DENND2A: variants seen among roughly 807,000 people sequenced by gnomAD.
DENND2A encodes the protein DENN domain containing 2A.
In DENND2A, 53 loss-of-function variants were observed where a neutral mutation model predicts 105.3. The ratio of observed to expected loss-of-function variants is 0.50; its 90% confidence interval spans 0.40 to 0.63. The LOEUF (loss-of-function observed/expected upper bound fraction) is 0.63, where lower values mean the gene tolerates loss of function less well. Ranked by LOEUF, DENND2A falls within the 30% of genes least tolerant of loss-of-function variation. DENND2A has a pLI of 0.00. For synonymous variants in DENND2A, 522 were observed against 508.4 expected (o/e 1.03, Z -0.36); for missense variants, 1,138 against 1,279.6 (o/e 0.89, Z 1.69).
intron 14 of DENND2A, among the ~76,000 whole-genome samples, chr7:140,534,849 T>A (rs1404533479): frequency 2.6e-5 from 4 of 152,052 alleles, no homozygotes; most frequent in Non-Finnish European, 5.9e-5. Context: ...TGTACAAAAG[T>A]GGGGCAGGGA....
At chr7:140,544,247 T>G in intron 14 of DENND2A, 1 of 332,880 alleles carries the variant, frequency 3.0e-6, no homozygotes, top group Non-Finnish European at 5.8e-6. Context: ...CAAGCTGGAG[T>G]GCAGTGGTGA....
At chr7:140,548,428 A>C (rs1356108871) in intron 12 of DENND2A, among the ~76,000 whole-genome samples, 1 of 151,710 alleles carries the variant, frequency 6.6e-6, no homozygotes, top group Non-Finnish European at 1.5e-5. Flanking sequence ...AGGCTGAGGC[A>C]GGAGAATTGC....
intron 14 of DENND2A, among the ~76,000 whole-genome samples, chr7:140,540,728 T>C (rs1379427595): frequency 7.0e-6 from 1 of 142,464 alleles, no homozygotes; most frequent in African/African-American, 3.1e-5. Context: ...TTCTTTCTTT[T>C]TTTTTTTTAG....
At chr7:140,583,152 C>T (rs1275649068) in intron 5 of DENND2A, among the ~76,000 whole-genome samples, 2 of 151,682 alleles carry the variant, frequency 1.3e-5, no homozygotes, top group African/African-American at 2.4e-5. Context: ...AAAAATTAGC[C>T]GGCCATGGTG....
intron 9 of DENND2A, among the ~76,000 whole-genome samples, chr7:140,564,298 T>TACAC (rs375771552): frequency 1.4e-5 from 2 of 141,208 alleles, no homozygotes; most frequent in African/African-American, 5.3e-5. Context: ...AAAAAAAAAA[T>TACAC]ACACACACAC....
Position 140,544,633 on chromosome 7 carries a change from A to G in DENND2A, c.2312T>C (p.Ile771Thr), listed in dbSNP as rs759877921. The change falls in exon 14 of 20, where the codon ATT becomes ACT. Residue 771 changes from isoleucine (I) to threonine (T), a missense_variant. Physicochemically the swap from Ile to Thr is moderately conservative, Grantham distance 89 (BLOSUM62 -1). This residue lies in a region of DENND2A where 627 missense variants were observed against 779.8 expected (regional missense o/e 0.80). Transcript: ENST00000496613. ...AGGCGGGTACCTGAGCTTGTCTGCA[A>G]TGAAGATGACCCTCCTCTCCAGAAG... ...SLLLERRVIF[I>T]ADKLSILSKC... 1.3e-5 allele frequency: 21 copies of G among 1,614,172 alleles called. No homozygotes were observed. The Middle Eastern group carries it at 2.5e-3, about 190-fold the overall frequency.
chr7:140,601,094 G>T (rs1799468003), intron 3 of DENND2A, among the ~76,000 whole-genome samples: 1 of 152,124 alleles, frequency 6.6e-6, no homozygotes, highest in South Asian at 2.1e-4. Context: ...GACTGCCAGG[G>T]TTAACATAAG....
At position 140,523,346 on chromosome 7, in the gene DENND2A, C is replaced by T. The variant is rs1251939512; in HGVS notation, c.2626G>A (p.Ala876Thr). Residue 876 changes from alanine (A) to threonine (T), a missense_variant, in exon 17 of 20, where the codon GCT becomes ACT. Physicochemically the swap from Ala to Thr is moderately conservative, Grantham distance 58. Transcript: ENST00000496613. The surrounding 1 kb of genome is among the most constrained non-coding windows in gnomAD (Gnocchi z 4.5). ...AGGGGCCCTTCGTCCTGCTCACAAG[C>T]CAGCTCGTTCCTCTGTTCCAGAATG... ...EHILEQRNEL[A>T]CEQDEGPLDG... 6.2e-7 allele frequency: 1 copy of T among 1,614,056 alleles called. No individual in the cohort carries two copies. Among genetic ancestry groups the T allele is most frequent in the East Asian group, 2.2e-5 (1 of 44,886 alleles).
At chr7:140,624,748 G>A (rs1362488659) in intron 1 of DENND2A, among the ~76,000 whole-genome samples, 1 of 151,688 alleles carries the variant, frequency 6.6e-6, no homozygotes, top group Non-Finnish European at 1.5e-5. Flanking sequence ...CAGAAACCCA[G>A]AGAGATTTGT....
At chr7:140,610,287 A>G (rs1050445671) in intron 1 of DENND2A, among the ~76,000 whole-genome samples, 10 of 145,044 alleles carry the variant, frequency 6.9e-5, no homozygotes, top group Non-Finnish European at 1.0e-4. Flanking sequence ...AACTAGTCTT[A>G]AGGAAAAAAA....
chr7:140,638,645 C>T (rs771856085), intron 1 of DENND2A, among the ~76,000 whole-genome samples: 2 of 152,230 alleles, frequency 1.3e-5, no homozygotes, highest in African/African-American at 2.4e-5. Flanking sequence ...CCGGCATGCA[C>T]TCACATACTG....
At chr7:140,554,405 C>T (rs1392875347) in intron 12 of DENND2A, among the ~76,000 whole-genome samples, 8 of 151,940 alleles carry the variant, frequency 5.3e-5, no homozygotes, top group Admixed American at 4.6e-4. Flanking sequence ...TTTGGGAGGC[C>T]GAGGTGGGTG....
intron 1 of DENND2A, among the ~76,000 whole-genome samples, chr7:140,618,730 TTAAG>T (rs1317638855): frequency 1.3e-5 from 2 of 152,206 alleles, no homozygotes; most frequent in Non-Finnish European, 2.9e-5. Flanking sequence ...CATTTGTTAA[TTAAG>T]TGTGATGGGA....
At chr7:140,583,787 G>T (rs1395359606) in intron 5 of DENND2A, among the ~76,000 whole-genome samples, 5 of 149,008 alleles carry the variant, frequency 3.4e-5, no homozygotes, top group Non-Finnish European at 5.9e-5. Context: ...TTAGCCAGGC[G>T]TGGTGGCGGG....
intron 3 of DENND2A, among the ~76,000 whole-genome samples, chr7:140,591,896 T>C (rs1276845007): frequency 4.3e-5 from 5 of 115,648 alleles, no homozygotes; most frequent in African/African-American, 1.9e-4. Context: ...CTTTCTTTCT[T>C]TTTCTTCCTC....
intron 6 of DENND2A, among the ~76,000 whole-genome samples, chr7:140,571,725 G>A (rs1463768617): frequency 6.6e-6 from 1 of 152,146 alleles, no homozygotes; most frequent in African/African-American, 2.4e-5. Context: ...TAAAAAAGAA[G>A]AAAATGCTGA....
chr7:140,552,401 T>G lies in DENND2A; in HGVS notation c.2037+3235A>C, dbSNP rs543925846. Among the ~76,000 whole-genome samples, 4 of 151,920 alleles carry G rather than the reference T, an allele frequency of 2.6e-5. No individual in the cohort carries two copies. In the South Asian group the frequency reaches 8.4e-4, roughly 32 times the overall value. ...CTTTCCCTTCCTTCTTCTTTCTTTT[T>G]CTTTTCTTTCTTTACAGGGTCTCAC... On this transcript the variant is annotated intron_variant, in intron 12 of 19. Transcript: ENST00000496613.
chr7:140,600,363 G>A (rs572736520), intron 3 of DENND2A, among the ~76,000 whole-genome samples: 114 of 152,170 alleles, frequency 7.5e-4, no homozygotes, highest in African/African-American at 2.7e-3. Context: ...TAGGGAGTGA[G>A]TGTAGATGGA....
chr7:140,525,833 C>A (rs768510352), intron 15 of DENND2A, 41 bp from the exon 16 acceptor site: 1 of 1,560,908 alleles, frequency 6.4e-7, no homozygotes, highest in Admixed American at 1.8e-5. Flanking sequence ...GTCACCAGGG[C>A]TTCTGGGATA....
Sources: allele counts gnomAD v4.1 joint callset (sites outside exome capture counted in the v4.1 genomes callset), GRCh38; gene constraint gnomAD v4.1.1; regional missense constraint gnomAD v4.1.1; non-coding constraint Gnocchi (gnomAD v3.1); transcripts MANE v1.5; gene names NCBI Gene and HGNC (gene_info 2026-07-23, HGNC 2026-07-21).